Variants in DEPTOR observed in about 807,000 individuals in gnomAD.
The protein encoded by DEPTOR is DEP domain-containing mTOR-interacting protein.
Under a neutral mutation model 41.6 loss-of-function variants are expected in DEPTOR, and 41 were observed. That is an observed-to-expected ratio of 0.98 (90% CI 0.77 to 1.28). The LOEUF is 1.28. Ranked by LOEUF, DEPTOR falls within the 50% of genes most tolerant of loss-of-function variation. DEPTOR has a pLI of 0.00. For missense variants in DEPTOR, 514 were observed against 527.9 expected (o/e 0.97, Z 0.26); for synonymous variants, 195 against 192.3 (o/e 1.01, Z -0.12).
intron 8 of DEPTOR, among the ~76,000 whole-genome samples, chr8:120,010,385 C>A (rs533354431): frequency 1.3e-5 from 2 of 151,984 alleles, no homozygotes; most frequent in Non-Finnish European, 2.9e-5. Flanking sequence ...GAGGCTGAGG[C>A]GGGTGGATCA....
intron 5 of DEPTOR, 25 bp from the exon 6 acceptor site, chr8:120,002,952 T>A: frequency 6.5e-7 from 1 of 1,550,078 alleles, no homozygotes; most frequent in African/African-American, 1.4e-5. Flanking sequence ...CCTTGGTGAC[T>A]GTGTGTGTTC....
At chr8:119,878,902 G>A (rs965849199) in intron 1 of DEPTOR, among the ~76,000 whole-genome samples, 2 of 151,648 alleles carry the variant, frequency 1.3e-5, no homozygotes, top group Admixed American at 6.6e-5. Context: ...CCTGAGATCG[G>A]GAGTTCAAGA....
intron 6 of DEPTOR, among the ~76,000 whole-genome samples, chr8:120,004,354 C>G (rs998891788): frequency 6.6e-6 from 1 of 152,028 alleles, no homozygotes; most frequent in Middle Eastern, 3.2e-3. Context: ...GCTGAAGAGT[C>G]GTTGAGTACT....
intron 1 of DEPTOR, among the ~76,000 whole-genome samples, chr8:119,901,046 G>A (rs1392395827): frequency 6.6e-6 from 1 of 152,100 alleles, no homozygotes; most frequent in Non-Finnish European, 1.5e-5. Context: ...TCAAAAGTAG[G>A]AAGACTCAGA....
In DEPTOR at chr8:120,050,275, A is replaced by G. The variant is rs543416242; in HGVS notation, c.*571A>G. Reference sequence around the variant, plus strand: ...CTTCTTAATTCCTGCCTTTAGTGTCAACTTTTAAGTTAATACAGGTTTCAA... The same window carrying G: ...CTTCTTAATTCCTGCCTTTAGTGTCGACTTTTAAGTTAATACAGGTTTCAA... On this transcript the variant is annotated 3_prime_UTR_variant, in exon 9 of 9. Transcript: ENST00000286234. 48 of 152,094 alleles carry G rather than the reference A, an allele frequency of 3.2e-4. No individual in the cohort carries two copies. The highest frequency in any genetic ancestry group is 1.1e-3 in the African/African-American group (47 of 41,484). 9.4% of individuals were successfully genotyped at this position (152,094 alleles called of 1,614,324 possible).
intron 3 of DEPTOR, among the ~76,000 whole-genome samples, chr8:119,934,863 A>G (rs1828088618): frequency 6.6e-6 from 1 of 152,086 alleles, no homozygotes; most frequent in Non-Finnish European, 1.5e-5. Context: ...TAGTAAATGG[A>G]GATACTGACC....
chr8:119,941,951 T>C (rs1279535657), intron 3 of DEPTOR, among the ~76,000 whole-genome samples: 1 of 152,204 alleles, frequency 6.6e-6, no homozygotes, highest in East Asian at 1.9e-4. Context: ...AATTTTTAAA[T>C]GAGTGGGGGA....
intron 3 of DEPTOR, among the ~76,000 whole-genome samples, chr8:119,948,410 T>C (rs976075902): frequency 2.6e-5 from 4 of 151,884 alleles, no homozygotes; most frequent in African/African-American, 9.7e-5. Context: ...AGACTCTGTC[T>C]CAAAAAATAA....
chr8:119,894,683 A>G (rs564194794), intron 1 of DEPTOR, among the ~76,000 whole-genome samples: 2 of 152,320 alleles, frequency 1.3e-5, no homozygotes, highest in African/African-American at 4.8e-5. Flanking sequence ...GGCGTGAGCC[A>G]ACGCGCCTGG....
At chr8:119,880,333 C>G (rs75465971) in intron 1 of DEPTOR, among the ~76,000 whole-genome samples, 2,829 of 152,054 alleles carry the variant, frequency 0.019, 87 homozygotes, top group African/African-American at 0.063. Flanking sequence ...TATAGCAACT[C>G]TATGTAGCAG....
At chr8:119,915,469 A>T (rs1291911061) in intron 1 of DEPTOR, among the ~76,000 whole-genome samples, 1 of 152,046 alleles carries the variant, frequency 6.6e-6, no homozygotes, top group Non-Finnish European at 1.5e-5. Context: ...GCTGTCACAA[A>T]CAGATTCTAG....
intron 8 of DEPTOR, among the ~76,000 whole-genome samples, chr8:120,012,423 T>A (rs1812544114): frequency 6.6e-6 from 1 of 152,186 alleles, no homozygotes; most frequent in Non-Finnish European, 1.5e-5. Flanking sequence ...TGTAACACAA[T>A]GGTATTTGTG....
intron 1 of DEPTOR, among the ~76,000 whole-genome samples, chr8:119,894,412 T>TTGATTTATTTATTTA (rs1827489428): frequency 6.7e-6 from 1 of 148,654 alleles, no homozygotes; most frequent in Non-Finnish European, 1.5e-5. Context: ...TTATTTATTT[T>TTGATTTATTTATTTA]TTGAGACAGA....
At chr8:119,909,720 A>G (rs544857386) in intron 1 of DEPTOR, among the ~76,000 whole-genome samples, 5 of 152,376 alleles carry the variant, frequency 3.3e-5, no homozygotes, top group Admixed American at 1.3e-4. Context: ...CTTACAAACT[A>G]TTCATAACCA....
At chr8:119,938,008 C>G (rs1828135399) in intron 3 of DEPTOR, among the ~76,000 whole-genome samples, 1 of 152,174 alleles carries the variant, frequency 6.6e-6, no homozygotes, top group Admixed American at 6.5e-5. Flanking sequence ...ACCTTTATCT[C>G]TTAGGTCTGT....
At chr8:119,971,172 G>C (rs1422111338) in intron 4 of DEPTOR, among the ~76,000 whole-genome samples, 1 of 147,774 alleles carries the variant, frequency 6.8e-6, no homozygotes, top group African/African-American at 2.5e-5. Context: ...AGCGGAGCTT[G>C]TAGTGAGCGA....
At chr8:119,919,314 A>G (rs990657796) in intron 1 of DEPTOR, among the ~76,000 whole-genome samples, 2 of 152,174 alleles carry the variant, frequency 1.3e-5, no homozygotes, top group Non-Finnish European at 2.9e-5. Flanking sequence ...AGGTAGAAAC[A>G]TATAGTGACC....
intron 4 of DEPTOR, among the ~76,000 whole-genome samples, chr8:119,988,323 G>T (rs1054107338): frequency 6.6e-6 from 1 of 152,098 alleles, no homozygotes; most frequent in African/African-American, 2.4e-5. Flanking sequence ...GCTTCTGCTC[G>T]CCCTCCATGG....
chr8:119,890,475 G>A (rs898354604), intron 1 of DEPTOR, among the ~76,000 whole-genome samples: 10 of 151,982 alleles, frequency 6.6e-5, no homozygotes, highest in African/African-American at 2.2e-4. Flanking sequence ...GCTAATTTTT[G>A]TATTTTTAGT....
Sources: gnomAD v4.1 joint callset for allele counts (sites outside exome capture counted in the v4.1 genomes callset) on GRCh38, gnomAD v4.1.1 for gene constraint, MANE v1.5 for transcripts, NCBI Gene and HGNC (gene_info 2026-07-23, HGNC 2026-07-21) for gene names.